Variants in CSMD1 observed in about 807,000 individuals in gnomAD.
CSMD1 encodes the protein CUB and Sushi multiple domains 1, also known as CUB and sushi domain-containing protein 1.
Under a neutral mutation model 417.5 loss-of-function variants are expected in CSMD1, and 213 were observed. The observed-to-expected ratio is 0.51, with a 90% CI of 0.46 to 0.57. The LOEUF (loss-of-function observed/expected upper bound fraction) is 0.57, where lower values mean the gene tolerates loss of function less well. Among genes scored for constraint, CSMD1 ranks in the 20% least tolerant of loss-of-function variants. The pLI is 0.00. For synonymous variants in CSMD1, 2,862 were observed against 1,736.8 expected (o/e 1.65, Z -16.11); for missense variants, 6,923 against 4,529.7 (o/e 1.53, Z -15.17).
At chr8:3,355,569 G>C (rs568350450) in intron 21 of CSMD1, among the ~76,000 whole-genome samples, 2 of 152,152 alleles carry the variant, frequency 1.3e-5, no homozygotes, top group East Asian at 1.9e-4. Flanking sequence ...GTACATAAGC[G>C]ATCTTCACAT....
intron 3 of CSMD1, among the ~76,000 whole-genome samples, chr8:4,085,719 T>C (rs945751606): frequency 6.6e-6 from 1 of 152,180 alleles, no homozygotes; most frequent in Admixed American, 6.5e-5. Flanking sequence ...TAAAACATTC[T>C]GGAAATGACC....
chr8:4,025,968 A>T (rs67382723), intron 4 of CSMD1, among the ~76,000 whole-genome samples: 25,965 of 151,688 alleles, frequency 0.17, 2,955 homozygotes, highest in African/African-American at 0.31. Context: ...CTGGCAAAAG[A>T]TCATTGTAGA....
intron 5 of CSMD1, among the ~76,000 whole-genome samples, chr8:3,937,399 A>C (rs1256764935): frequency 6.6e-6 from 1 of 152,198 alleles, no homozygotes; most frequent in Non-Finnish European, 1.5e-5. Flanking sequence ...TCTTATTTTA[A>C]GAAATTGCAA....
At position 4,994,318 on chromosome 8, in the gene CSMD1, C is replaced by G. The variant is rs757377502; in HGVS notation, c.85+14G>C. The G allele has an allele frequency of 6.2e-7, 1 of 1,607,870 alleles. No individual in the cohort carries two copies. The highest frequency in any genetic ancestry group is 1.1e-5 in the South Asian group (1 of 91,030). On this transcript the variant is annotated intron_variant, in intron 1 of 69. Transcript: ENST00000635120. ...GCTCTACCGCCTCCCCGGCCAGGAG[C>G]AAGTCCGTCTTACCCTTCGCTGCAG... is the stretch of plus-strand genomic sequence containing the variant.
At chr8:4,105,600 A>T (rs1454113813) in intron 3 of CSMD1, among the ~76,000 whole-genome samples, 1 of 152,246 alleles carries the variant, frequency 6.6e-6, no homozygotes, top group East Asian at 1.9e-4. Flanking sequence ...TGAGGGCTAC[A>T]GCAGAAGAGG....
At chr8:4,842,793 T>C (rs1800918458) in intron 1 of CSMD1, among the ~76,000 whole-genome samples, 2 of 152,254 alleles carry the variant, frequency 1.3e-5, no homozygotes, top group Non-Finnish European at 2.9e-5. Context: ...TACACATTAA[T>C]GGTAACAATT....
intron 1 of CSMD1, among the ~76,000 whole-genome samples, chr8:4,983,792 G>C (rs1811024753): frequency 6.6e-6 from 1 of 151,500 alleles, no homozygotes; most frequent in Non-Finnish European, 1.5e-5. Context: ...TTTAAACATA[G>C]TAACTGACAA....
chr8:4,455,163 G>A (rs62481021), intron 2 of CSMD1, among the ~76,000 whole-genome samples: 4 of 152,070 alleles, frequency 2.6e-5, no homozygotes, highest in African/African-American at 7.2e-5. Flanking sequence ...AAGGAAAATG[G>A]TATTTCAGAA....
intron 1 of CSMD1, among the ~76,000 whole-genome samples, chr8:4,989,590 G>C (rs537895410): frequency 6.6e-6 from 1 of 152,314 alleles, no homozygotes; most frequent in South Asian, 2.1e-4. Context: ...CTTACAGAGC[G>C]AAGTGAGCTC....
intron 12 of CSMD1, among the ~76,000 whole-genome samples, chr8:3,460,043 G>C (rs1364269416): frequency 2.6e-5 from 4 of 152,150 alleles, no homozygotes; most frequent in African/African-American, 7.2e-5. Flanking sequence ...CACAGGTGTG[G>C]GGCATAAAGA....
intron 3 of CSMD1, among the ~76,000 whole-genome samples, chr8:4,289,219 G>C (rs1203774847): frequency 6.6e-6 from 1 of 152,112 alleles, no homozygotes; most frequent in Non-Finnish European, 1.5e-5. Context: ...CTAGATACCT[G>C]TCGGTCATTT....
intron 50 of CSMD1, among the ~76,000 whole-genome samples, chr8:3,032,195 C>A (rs1382133869): frequency 2.6e-5 from 4 of 151,720 alleles, no homozygotes; most frequent in Non-Finnish European, 5.9e-5. Context: ...GTGGAGATTT[C>A]CAGAAATTTG....
intron 3 of CSMD1, among the ~76,000 whole-genome samples, chr8:4,395,495 A>G (rs1479698675): frequency 1.3e-5 from 2 of 150,586 alleles, no homozygotes; most frequent in Non-Finnish European, 3.0e-5. Context: ...ACAAATCTCC[A>G]CCCCTCACTC....
At chr8:3,441,029 A>G (rs566848514) in intron 12 of CSMD1, among the ~76,000 whole-genome samples, 22 of 152,304 alleles carry the variant, frequency 1.4e-4, no homozygotes, top group African/African-American at 5.3e-4. Context: ...GTGTCCCCAC[A>G]TCCAAAATAC....
At chr8:3,192,712 G>C (rs930425550) in intron 33 of CSMD1, among the ~76,000 whole-genome samples, 1 of 152,154 alleles carries the variant, frequency 6.6e-6, no homozygotes, top group Non-Finnish European at 1.5e-5. Flanking sequence ...GACACAAAGT[G>C]TTGACTGCAT....
chr8:4,732,468 C>T (rs1184655556), intron 1 of CSMD1, among the ~76,000 whole-genome samples: 1 of 151,588 alleles, frequency 6.6e-6, no homozygotes, highest in Non-Finnish European at 1.5e-5. Flanking sequence ...ACAAGAATTA[C>T]TTACAAGGGC....
At chr8:4,911,485 C>CTA (rs950328273) in intron 1 of CSMD1, among the ~76,000 whole-genome samples, 84 of 152,264 alleles carry the variant, frequency 5.5e-4, no homozygotes, top group African/African-American at 2.0e-3. Flanking sequence ...AGGTGTGGGT[C>CTA]TATACCTCAA....
intron 3 of CSMD1, among the ~76,000 whole-genome samples, chr8:4,333,656 C>T (rs898051809): frequency 2.0e-5 from 3 of 152,096 alleles, no homozygotes; most frequent in Non-Finnish European, 4.4e-5. Context: ...ACTGAGAACA[C>T]ATCATTTTAT....
At chr8:3,863,279 C>G (rs914536386) in intron 5 of CSMD1, among the ~76,000 whole-genome samples, 13 of 151,974 alleles carry the variant, frequency 8.6e-5, no homozygotes, top group African/African-American at 2.9e-4. Flanking sequence ...CACCTGTAAT[C>G]TCAGCTACTC....
Sources: gnomAD v4.1 joint callset for allele counts (sites outside exome capture counted in the v4.1 genomes callset) on GRCh38, gnomAD v4.1.1 for gene constraint, MANE v1.5 for transcripts, NCBI Gene and HGNC (gene_info 2026-07-23, HGNC 2026-07-21) for gene names.